The following CSNK2A1 variants were observed in gnomAD, a reference collection of about 807,000 sequenced individuals.
CSNK2A1 encodes casein kinase 2 alpha 1.
Under a neutral mutation model 62.9 loss-of-function variants are expected in CSNK2A1, and 10 were observed. The ratio of observed to expected loss-of-function variants is 0.16; its 90% CI spans 0.10 to 0.27. The LOEUF is 0.27. Ranked by LOEUF, CSNK2A1 falls within the 10% of genes least tolerant of loss-of-function variation. The probability of loss-of-function intolerance (pLI) is 1.00; values close to 1 mark genes in which losing one functional copy is unlikely to be tolerated. For synonymous variants in CSNK2A1, 124 were observed against 167.8 expected (o/e 0.74, Z 2.02); for missense variants, 160 against 492.0 (o/e 0.33, Z 6.38).
chr20:505,953 C>CA (rs2018576265), intron 3 of CSNK2A1: 2 of 144,032 alleles, frequency 1.4e-5, no homozygotes, highest in South Asian at 4.4e-4. Flanking sequence ...CGGCTCGCTG[C>CA]AAGCCCCGCC....
At chr20:542,286 G>A (rs1047386879) in intron 1 of CSNK2A1, among the ~76,000 whole-genome samples, 1 of 152,180 alleles carries the variant, frequency 6.6e-6, no homozygotes, top group Non-Finnish European at 1.5e-5. Flanking sequence ...CGGGAAAACT[G>A]AGGCTTAGAG....
Position 478,759 on chromosome 20 carries a change from C to A in CSNK2A1, c.*5202G>T. On this transcript the variant is annotated 3_prime_UTR_variant, in exon 14 of 14. Transcript: ENST00000217244. ...CCTGGGCAACACGGCAAAACTTCAT[C>A]TCTACCAAAAAAAAAAAAAAAAAAA... 4.0e-6 allele frequency: 1 copy of A among 251,906 alleles called. No homozygotes were observed. The highest frequency in any genetic ancestry group is 7.8e-6 in the Non-Finnish European group (1 of 127,752). The allele number at this position is 251,906 out of a possible 1,614,324, so 15.6% of individuals were successfully genotyped here.
At chr20:519,854 C>T (rs2018908637) in intron 2 of CSNK2A1, among the ~76,000 whole-genome samples, 1 of 151,978 alleles carries the variant, frequency 6.6e-6, no homozygotes, top group Non-Finnish European at 1.5e-5. Flanking sequence ...AATAACAATA[C>T]CTTGAGGAGC....
intron 2 of CSNK2A1, among the ~76,000 whole-genome samples, chr20:522,692 T>TTTTA (rs140874895): frequency 2.6e-5 from 4 of 151,642 alleles, no homozygotes; most frequent in East Asian, 2.0e-4. Flanking sequence ...TTCTTAATTA[T>TTTTA]TTTATTTATT....
chr20:497,619 C>T (rs2018371620), intron 7 of CSNK2A1, 102 bp downstream of exon 7: 3 of 986,014 alleles, frequency 3.0e-6, no homozygotes, highest in East Asian at 2.5e-5. Context: ...CTTCTTTCAA[C>T]ATACTTTACA....
chr20:512,770 C>G (rs143583372), intron 2 of CSNK2A1, among the ~76,000 whole-genome samples: 2 of 152,328 alleles, frequency 1.3e-5, no homozygotes, highest in African/African-American at 4.8e-5. Context: ...CAAAGTAATT[C>G]AAGTACCAAA....
At position 485,086 on chromosome 20, in the gene CSNK2A1, A is replaced by T. The variant is rs1400799950; in HGVS notation, c.1061-1010T>A. 1.9e-4 allele frequency among the ~76,000 whole-genome samples: 7 copies of T among 35,928 alleles called. 1 individual carries two copies. The highest frequency in any genetic ancestry group is 6.7e-4 in the African/African-American group (7 of 10,482). 23.6% of individuals were successfully genotyped at this position (35,928 alleles called of 152,430 possible). A position where few individuals can be genotyped will look rare whatever the true frequency, so the allele number is the denominator to read the frequency against. On this transcript the variant is annotated intron_variant, in intron 13 of 13. Coordinates refer to ENST00000217244, the MANE Select transcript of CSNK2A1 (RefSeq NM_177559.3). ...GTCTCCAAAAAAAAAAAAAAAAAAA[A>T]AAAAAAAAAAAAAAAAAAAAAAAAT...
chr20:537,089 G>A (rs1218495046), intron 1 of CSNK2A1, among the ~76,000 whole-genome samples: 1 of 152,014 alleles, frequency 6.6e-6, no homozygotes, highest in African/African-American at 2.4e-5. Context: ...AATTTCAAAT[G>A]TTCACTTTTC....
intron 2 of CSNK2A1, among the ~76,000 whole-genome samples, chr20:525,597 GCCGAGATCGTGCCACT>G (rs2019065688): frequency 6.8e-6 from 1 of 146,918 alleles, no homozygotes; most frequent in African/African-American, 2.5e-5. Context: ...CTTGCAGTGA[GCCGAGATCGTGCCACT>G]GCACTCCAGC....
At chr20:503,820 A>C in intron 4 of CSNK2A1, 1 of 397,140 alleles carries the variant, frequency 2.5e-6, no homozygotes, top group Non-Finnish European at 4.4e-6. Flanking sequence ...ATAAGAACAA[A>C]TTTAACTTTT....
rs6052307 is a variant in CSNK2A1 at position 478,965 on chromosome 20, G to C, written c.*4996C>G. ...ACAAAAAACTTCTAGTGAGTAGAGC[G>C]ACAGGGAGACAAATCCAGTTTGTAA... is the stretch of plus-strand genomic sequence containing the variant. On this transcript the variant is annotated 3_prime_UTR_variant, in exon 14 of 14. Transcript: ENST00000217244. 4,317 of 157,408 alleles carry C rather than the reference G, an allele frequency of 0.027. 192 individuals carry two copies. The highest frequency in any genetic ancestry group is 0.096 in the African/African-American group (3,966 of 41,456). The allele number at this position is 157,408 out of a possible 1,614,324, so 9.8% of individuals were successfully genotyped here. A position where few individuals can be genotyped will look rare whatever the true frequency, so the allele number is the denominator to read the frequency against.
At chr20:533,233 A>G (rs1020120629) in intron 1 of CSNK2A1, among the ~76,000 whole-genome samples, 2 of 152,262 alleles carry the variant, frequency 1.3e-5, no homozygotes, top group African/African-American at 4.8e-5. Flanking sequence ...CTACCTGTTC[A>G]AACCCAACAG....
chr20:537,936 T>G (rs2019368673), intron 1 of CSNK2A1, among the ~76,000 whole-genome samples: 1 of 152,124 alleles, frequency 6.6e-6, no homozygotes, highest in Non-Finnish European at 1.5e-5. Context: ...AGTTGTCATA[T>G]AGTTGAATAT....
intron 10 of CSNK2A1, chr20:489,516 A>C (rs1426120307): frequency 4.8e-6 from 2 of 416,250 alleles, no homozygotes; most frequent in South Asian, 1.0e-4. Flanking sequence ...ATAAGGGTTT[A>C]TTAGGAGAAT....
intron 1 of CSNK2A1, among the ~76,000 whole-genome samples, chr20:535,034 C>CAAAAAAA (rs11469217): frequency 1.8e-4 from 9 of 50,792 alleles, no homozygotes; most frequent in African/African-American, 6.8e-4. Context: ...TGCTATCTCC[C>CAAAAAAA]AAAAAAAAAA....
At chr20:500,928 C>G (rs1409048276) in intron 4 of CSNK2A1, 1 of 152,074 alleles carries the variant, frequency 6.6e-6, no homozygotes. Context: ...ATGAACCCCT[C>G]CATTCTAAAG....
At position 480,185 on chromosome 20, in the gene CSNK2A1, GT is replaced by G. The variant is rs994110471; in HGVS notation, c.*3775del. The G allele has an allele frequency of 1.3e-4, 19 of 151,858 alleles. No homozygotes were observed. The highest frequency in any genetic ancestry group is 4.6e-4 in the African/African-American group (19 of 41,324). 9.4% of individuals were successfully genotyped at this position (151,858 alleles called of 1,614,324 possible). ...TTATAGCTGCAAACTCAAGGGCAAA[GT>G]TCTTAGGATTTTGAGATGCTCTTTA... On this transcript the variant is annotated 3_prime_UTR_variant, in exon 14 of 14. Transcript: ENST00000217244.
intron 2 of CSNK2A1, among the ~76,000 whole-genome samples, chr20:523,870 A>AC (rs966611966): frequency 2.0e-5 from 3 of 150,716 alleles, no homozygotes; most frequent in Admixed American, 1.3e-4. Flanking sequence ...AAAAAAAAAA[A>AC]AAAAAAAAAA....
At chr20:487,988 A>AT (rs2018136256) in intron 11 of CSNK2A1, 1 of 240,010 alleles carries the variant, frequency 4.2e-6, no homozygotes, top group African/African-American at 2.2e-5. Flanking sequence ...GGTTAAGTGT[A>AT]TAAGTACTAT....
Sources: allele counts gnomAD v4.1 joint callset (sites outside exome capture counted in the v4.1 genomes callset), GRCh38; gene constraint gnomAD v4.1.1; transcripts MANE v1.5; gene names NCBI Gene and HGNC (gene_info 2026-07-23, HGNC 2026-07-21).